The following EGFLAM variants were observed in gnomAD, a reference collection of about 807,000 sequenced individuals.
The protein encoded by EGFLAM is pikachurin.
Under a neutral mutation model 113.1 loss-of-function variants are expected in EGFLAM, and 79 were observed. The observed-to-expected ratio is 0.70, with a 90% CI of 0.58 to 0.84. The LOEUF is 0.84. Among genes scored for constraint, EGFLAM ranks in the 40% least tolerant of loss-of-function variants. The pLI, the probability that EGFLAM is intolerant of heterozygous loss-of-function variation, is 0.00. For missense variants in EGFLAM, 1,265 were observed against 1,291.6 expected, an observed-to-expected ratio of 0.98 and a Z score of 0.32; for synonymous variants, 504 against 487.6, an observed-to-expected ratio of 1.03 and a Z score of -0.44.
chr5:38,372,633 A>G (rs978758661), intron 6 of EGFLAM, among the ~76,000 whole-genome samples: 3 of 152,200 alleles, frequency 2.0e-5, no homozygotes, highest in African/African-American at 7.2e-5. Context: ...AAATTTTAAA[A>G]TTTCAAAGTA....
chr5:38,258,908 G>C (rs1052023556), intron 1 of EGFLAM, 57 bp downstream of exon 1: 1 of 1,546,644 alleles, frequency 6.5e-7, no homozygotes, highest in Admixed American at 1.9e-5. Context: ...CTGGGCTCCG[G>C]GGCGAGGACA....
intron 6 of EGFLAM, among the ~76,000 whole-genome samples, chr5:38,376,423 T>A (rs960974471): frequency 9.9e-5 from 15 of 152,166 alleles, no homozygotes; most frequent in Non-Finnish European, 5.9e-5. Flanking sequence ...ACCACTTAAT[T>A]TCTAGGATAC....
intron 1 of EGFLAM, among the ~76,000 whole-genome samples, chr5:38,317,651 A>T (rs772317170): frequency 8.5e-5 from 13 of 152,248 alleles, no homozygotes; most frequent in Non-Finnish European, 1.6e-4. Flanking sequence ...ATGATTATTG[A>T]TCTCTATTCT....
intron 19 of EGFLAM, among the ~76,000 whole-genome samples, chr5:38,452,222 G>A (rs567093069): frequency 2.6e-5 from 4 of 151,858 alleles, no homozygotes; most frequent in East Asian, 4.0e-4. Flanking sequence ...TTGTACAGAC[G>A]GGGTTTCACC....
chr5:38,432,873 A>G (rs1742229924), intron 15 of EGFLAM, among the ~76,000 whole-genome samples: 1 of 152,176 alleles, frequency 6.6e-6, no homozygotes, highest in Admixed American at 6.5e-5. Context: ...ACATCAGCAA[A>G]AGAGCATGAA....
At chr5:38,316,330 T>C (rs1311755111) in intron 1 of EGFLAM, among the ~76,000 whole-genome samples, 1 of 151,978 alleles carries the variant, frequency 6.6e-6, no homozygotes, top group Non-Finnish European at 1.5e-5. Flanking sequence ...GTCATTTCCA[T>C]CCTAACCAGA....
chr5:38,463,832 G>A lies in EGFLAM; in HGVS notation c.2876G>A (p.Gly959Asp). ...QLNINGALYV[G>D]GMKEIALHTN... ...TCATCTCCCTCTTGCTTCCTGGCAG[G>A]TGGAATGAAGGAAATTGCTCTGCAC... is the stretch of plus-strand genomic sequence containing the variant. The change falls in exon 22 of 22, where the codon GGT becomes GAT. Residue 959 changes from glycine (G) to aspartate (D), a missense_variant and splice_region_variant. Physicochemically the swap from Gly to Asp is moderately conservative, Grantham distance 94. Transcript: ENST00000322350. 6.2e-7 allele frequency: 1 copy of A among 1,612,632 alleles called. No homozygotes were observed. Among genetic ancestry groups the A allele is most frequent in the South Asian group, 1.1e-5 (1 of 91,006 alleles).
chr5:38,463,790 C>G (rs1463497346), intron 21 of EGFLAM, 42 bp from the exon 22 acceptor site: 2 of 1,605,150 alleles, frequency 1.2e-6, no homozygotes, highest in South Asian at 1.1e-5. Flanking sequence ...CTGCGGACAC[C>G]TGTCCTTTGG....
At chr5:38,443,641 G>A (rs535067879) in intron 17 of EGFLAM, among the ~76,000 whole-genome samples, 3 of 152,320 alleles carry the variant, frequency 2.0e-5, no homozygotes, top group South Asian at 2.1e-4. Context: ...CCGGCAGGAT[G>A]GGCATCCATC....
At chr5:38,372,332 G>A (rs572464641) in intron 6 of EGFLAM, among the ~76,000 whole-genome samples, 6 of 152,130 alleles carry the variant, frequency 3.9e-5, no homozygotes, top group East Asian at 1.9e-4. Flanking sequence ...TAGTAGAGAC[G>A]GGGTTTCACC....
chr5:38,296,372 C>G (rs1758453504), intron 1 of EGFLAM, among the ~76,000 whole-genome samples: 1 of 152,090 alleles, frequency 6.6e-6, no homozygotes, highest in Non-Finnish European at 1.5e-5. Flanking sequence ...GTTGAATAGT[C>G]TGGATTCTCA....
At chr5:38,323,593 T>C (rs1210726381) in intron 1 of EGFLAM, among the ~76,000 whole-genome samples, 3 of 152,236 alleles carry the variant, frequency 2.0e-5, no homozygotes, top group African/African-American at 7.2e-5. Flanking sequence ...ACAAGTGTTA[T>C]TTTTATATTT....
chr5:38,443,885 C>T (rs1742626371), intron 17 of EGFLAM, among the ~76,000 whole-genome samples: 2 of 151,872 alleles, frequency 1.3e-5, no homozygotes, highest in Admixed American at 1.3e-4. Flanking sequence ...ATTCTTCTGC[C>T]TCAGCCTCAT....
At chr5:38,328,204 G>A (rs551548721) in intron 1 of EGFLAM, among the ~76,000 whole-genome samples, 1 of 152,262 alleles carries the variant, frequency 6.6e-6, no homozygotes, top group Non-Finnish European at 1.5e-5. Context: ...GTCTTACGTG[G>A]CCAGAGCAGG....
chr5:38,268,550 G>A (rs928449975), intron 1 of EGFLAM, among the ~76,000 whole-genome samples: 41 of 152,186 alleles, frequency 2.7e-4, no homozygotes, highest in African/African-American at 9.7e-4. Flanking sequence ...GTGCTTTGGA[G>A]TTCCTGAAAT....
chr5:38,383,542 A>G (rs1028959687), intron 6 of EGFLAM, among the ~76,000 whole-genome samples: 2 of 152,058 alleles, frequency 1.3e-5, no homozygotes, highest in Non-Finnish European at 2.9e-5. Flanking sequence ...AGTTTCCAAA[A>G]TGTGTATTTG....
At chr5:38,283,933 C>T (rs756717640) in intron 1 of EGFLAM, 4 of 152,338 alleles carry the variant, frequency 2.6e-5, no homozygotes, top group African/African-American at 9.7e-5. Flanking sequence ...CTTCTCAGCT[C>T]TTCATTAGCT....
At chr5:38,273,641 G>A (rs190382474) in intron 1 of EGFLAM, among the ~76,000 whole-genome samples, 184 of 152,306 alleles carry the variant, frequency 1.2e-3, no homozygotes, top group African/African-American at 4.3e-3. Context: ...GGGCCCCCAC[G>A]CACTGCAATG....
chr5:38,362,429 C>A (rs1035298624), intron 5 of EGFLAM, among the ~76,000 whole-genome samples: 1 of 152,068 alleles, frequency 6.6e-6, no homozygotes, highest in Non-Finnish European at 1.5e-5. Context: ...GGCTTGCTAG[C>A]CCCCAAAAGT....
Sources: gnomAD v4.1 joint callset for allele counts (sites outside exome capture counted in the v4.1 genomes callset) on GRCh38, gnomAD v4.1.1 for gene constraint, MANE v1.5 for transcripts, NCBI Gene and HGNC (gene_info 2026-07-23, HGNC 2026-07-21) for gene names.